The following SLC47A2 variants were observed in gnomAD, a reference collection of about 807,000 sequenced individuals.
SLC47A2 encodes the protein multidrug and toxin extrusion protein 2.
In SLC47A2, 52 loss-of-function variants were observed where a neutral mutation model predicts 67.7. That is an observed-to-expected ratio of 0.77 (90% CI 0.61 to 0.97). The LOEUF (loss-of-function observed/expected upper bound fraction) is 0.97, where lower values mean the gene tolerates loss of function less well. SLC47A2 is among the 50% of genes least tolerant of loss of function. SLC47A2 has a pLI of 0.00. For missense variants in SLC47A2, 676 were observed against 712.3 expected (o/e 0.95, Z 0.58); for synonymous variants, 278 against 292.9 (o/e 0.95, Z 0.52).
rs1330409973 is a variant in SLC47A2, at chr17:19,712,748, G to T, written c.444-3C>A. ...TCATTACATAGTCCTGGGTCAACCT[G>T]CAAGAGAGGGAGAAGCTCCGGAGCT... On this transcript the variant is annotated splice_region_variant and splice_polypyrimidine_tract_variant and intron_variant, in intron 4 of 16. Transcript: ENST00000433844. 1 of 1,612,486 alleles carries T rather than the reference G, an allele frequency of 6.2e-7. No homozygotes were observed.
chr17:19,706,844 AC>A (rs1221355650), intron 8 of SLC47A2, 83 bp from the exon 9 acceptor site: 3 of 1,062,930 alleles, frequency 2.8e-6, no homozygotes, highest in Non-Finnish European at 4.1e-6. Flanking sequence ...AGGCCCCTAA[AC>A]CCCTTTGGCT....
In SLC47A2 at chr17:19,715,159, T is replaced by G. The variant is rs756940815; in HGVS notation, c.182A>C (p.His61Pro). The change falls in exon 2 of 17, where the codon CAC becomes CCC. Residue 61 changes from histidine (H) to proline (P), a missense_variant. Coordinates refer to ENST00000433844, the MANE Select transcript of SLC47A2 (RefSeq NM_001099646.3). ...CGATGCCAGCTCCACCTTGCCCAGG[T>G]GCCCGCAGAACACAGTGCTCACGAT... ...IYIVSTVFCG[H>P]LGKVELASVT... 2.5e-6 allele frequency: 4 copies of G among 1,612,426 alleles called. No individual in the cohort carries two copies. The South Asian group carries it at 4.4e-5, about 18-fold the overall frequency.
Position 19,681,570 on chromosome 17 carries a change from A to C in SLC47A2, c.1265T>G (p.Leu422Arg). 6.2e-7 allele frequency: 1 copy of C among 1,614,210 alleles called. No individual in the cohort carries two copies. The highest frequency in any genetic ancestry group is 8.5e-7 in the Non-Finnish European group (1 of 1,180,030). ...YYIIGLPLGI[L>R]LTFVVRMRIM... is the part of the protein sequence containing the mutation. Reference sequence around the variant, plus strand: ...TCTCATTCTGACCACAAAGGTCAGAAGGATGCCCAGTGGTAGGCCGATGAT... The same window carrying C: ...TCTCATTCTGACCACAAAGGTCAGACGGATGCCCAGTGGTAGGCCGATGAT... Residue 422 changes from leucine (L) to arginine (R), a missense_variant, in exon 14 of 17, where the codon CTT (leucine) becomes CGT (arginine). Transcript: ENST00000433844.
intron 1 of SLC47A2, 29 bp from the exon 2 acceptor site, chr17:19,715,246 G>A: frequency 1.9e-6 from 3 of 1,593,352 alleles, no homozygotes; most frequent in Non-Finnish European, 2.6e-6. Context: ...GTCAGACTCG[G>A]GGCCACAGGT....
intron 4 of SLC47A2, 145 bp downstream of exon 4, chr17:19,713,680 C>G: frequency 4.3e-6 from 5 of 1,157,792 alleles, no homozygotes; most frequent in Non-Finnish European, 5.8e-6. Flanking sequence ...AAACCAAAGC[C>G]TGGAAGGTAC....
chr17:19,707,755 T>C lies in SLC47A2; in HGVS notation c.718A>G (p.Thr240Ala). 1 of 1,590,762 alleles carries C rather than the reference T, an allele frequency of 6.3e-7. No homozygotes were observed. The highest frequency in any genetic ancestry group is 8.6e-7 in the Non-Finnish European group (1 of 1,169,232). ...YIVLKKLHLE[T>A]WAGWSSQCLQ... Reference sequence around the variant, plus strand: ...AGGCCAGGCCTCCCACCTGCCCACGTCTCCAGGTGCAGCTTCTTCAGCACA... The same window carrying C: ...AGGCCAGGCCTCCCACCTGCCCACGCCTCCAGGTGCAGCTTCTTCAGCACA... Residue 240 changes from threonine to alanine, a missense_variant, in exon 8 of 17, where the codon ACG becomes GCG. Thr to Ala is a moderately conservative substitution (Grantham distance 58). Coordinates refer to ENST00000433844, the MANE Select transcript of SLC47A2 (RefSeq NM_001099646.3).
At chr17:19,707,090 C>G (rs112282281) in intron 8 of SLC47A2, among the ~76,000 whole-genome samples, 2,207 of 152,250 alleles carry the variant, frequency 0.014, 53 homozygotes, top group African/African-American at 0.05. Flanking sequence ...GGCCTTATAG[C>G]TGCCCTGCCT....
chr17:19,686,622 A>C (rs1027494446), intron 13 of SLC47A2, among the ~76,000 whole-genome samples: 2 of 152,210 alleles, frequency 1.3e-5, no homozygotes, highest in South Asian at 2.1e-4. Context: ...ATTGCATGCA[A>C]ATTGAAACCA....
In SLC47A2 at chr17:19,678,587, A is replaced by G; in HGVS notation, c.*99T>C. 2 of 1,265,890 alleles carry G rather than the reference A, an allele frequency of 1.6e-6. No homozygotes were observed. Among genetic ancestry groups the G allele is most frequent in the Non-Finnish European group, 2.3e-6 (2 of 882,326 alleles). 78.4% of individuals were successfully genotyped at this position (1,265,890 alleles called of 1,614,324 possible). On this transcript the variant is annotated 3_prime_UTR_variant, in exon 17 of 17. Transcript: ENST00000433844. ...TTTTGAGGAGTGGTTCAAAGTGTCC[A>G]CCTGCACTAGACCCCATTGGTGTTT...
Position 19,684,033 on chromosome 17 carries a change from G to A in SLC47A2, c.1165-2363C>T, listed in dbSNP as rs560788147. ...GGGTCTCACATGCAGCATTCTCCAG[G>A]ATAGACCTGCGGTAGGCCACAAAAC... On this transcript the variant is annotated intron_variant, in intron 13 of 16. Coordinates refer to ENST00000433844, the MANE Select transcript of SLC47A2 (RefSeq NM_001099646.3). 1.3e-3 allele frequency among the ~76,000 whole-genome samples: 194 copies of A among 152,254 alleles called. 1 individual carries two copies. The highest frequency in any genetic ancestry group is 4.4e-3 in the African/African-American group (182 of 41,546).
chr17:19,711,464 T>A (rs2086092499), intron 5 of SLC47A2, among the ~76,000 whole-genome samples: 1 of 151,158 alleles, frequency 6.6e-6, no homozygotes, highest in Non-Finnish European at 1.5e-5. Flanking sequence ...TGATGGTGGG[T>A]GCCTGTAATC....
chr17:19,711,833 A>AT (rs774925283), intron 5 of SLC47A2, among the ~76,000 whole-genome samples: 9 of 151,238 alleles, frequency 6.0e-5, no homozygotes, highest in East Asian at 1.9e-4. Context: ...ATTCACAAAG[A>AT]TTTTTTTTTA....
At chr17:19,707,208 A>G (rs953658193) in intron 8 of SLC47A2, among the ~76,000 whole-genome samples, 1 of 151,710 alleles carries the variant, frequency 6.6e-6, no homozygotes, top group East Asian at 1.9e-4. Context: ...CCTGCCCCAC[A>G]TGAGGCCCCA....
intron 5 of SLC47A2, among the ~76,000 whole-genome samples, chr17:19,709,176 G>A (rs11649705): frequency 0.081 from 12,311 of 152,298 alleles, 654 homozygotes; most frequent in Non-Finnish European, 0.12. Context: ...GGATTTGAAG[G>A]TGTGACTTCG....
chr17:19,705,450 T>A lies in SLC47A2; in HGVS notation c.895A>T (p.Thr299Ser). The A allele has an allele frequency of 1.2e-6, 2 of 1,612,458 alleles. No homozygotes were observed. Among genetic ancestry groups the A allele is most frequent in the Non-Finnish European group, 1.7e-6 (2 of 1,179,516 alleles). ...AGGAGCCTTACCATGTAGGTCACAG[T>A]GGCCACCTCGTAGATGACAGCCTGG... The part of the protein sequence containing the change: ...SAQAVIYEVA[T>S]VTYMIPLGLS... The change falls in exon 10 of 17, where the codon ACT (threonine) becomes TCT (serine). Residue 299 changes from threonine to serine, a missense_variant. Thr to Ser is a moderately conservative substitution (Grantham distance 58). Transcript: ENST00000433844.
chr17:19,704,601 T>C lies in SLC47A2; in HGVS notation c.910-423A>G, dbSNP rs899295624. ...TAAATTGATTTTGTAATGTAGATTT[T>C]TGTGACTCCTTTGCTTAAAGCTGGG... On this transcript the variant is annotated intron_variant, in intron 10 of 16. Coordinates refer to ENST00000433844, the MANE Select transcript of SLC47A2 (RefSeq NM_001099646.3). The C allele has an allele frequency of 4.1e-6, 6 of 1,456,936 alleles. No homozygotes were observed. In the African/African-American group the frequency reaches 4.3e-5, roughly 10 times the overall value. 90.3% of individuals were successfully genotyped at this position (1,456,936 alleles called of 1,614,324 possible).
rs539322390 is a variant in SLC47A2, at chr17:19,705,238, C to T, written c.909+198G>A. 124 of 499,592 alleles carry T rather than the reference C, an allele frequency of 2.5e-4. 1 individual carries two copies. Among genetic ancestry groups the T allele is most frequent in the Non-Finnish European group, 3.3e-4 (96 of 287,860 alleles). The allele number at this position is 499,592 out of a possible 1,614,324, so 30.9% of individuals were successfully genotyped here. ...CAACATCTGTGAGTGAAATATCACCCTTGGTCGTCAGGTTGTGGGCACCTG... is the reference window on the plus strand; with the variant it reads ...CAACATCTGTGAGTGAAATATCACCTTTGGTCGTCAGGTTGTGGGCACCTG... On this transcript the variant is annotated intron_variant, in intron 10 of 16. Coordinates refer to ENST00000433844, the MANE Select transcript of SLC47A2 (RefSeq NM_001099646.3).
chr17:19,697,968 C>T (rs908398386), intron 13 of SLC47A2, among the ~76,000 whole-genome samples: 1 of 151,978 alleles, frequency 6.6e-6, no homozygotes, highest in African/African-American at 2.4e-5. Context: ...GAATGATAAA[C>T]ACACAAAAAG....
At chr17:19,702,108 C>CAA (rs758350914) in intron 13 of SLC47A2, 264 of 835,078 alleles carry the variant, frequency 3.2e-4, no homozygotes, top group Middle Eastern at 6.1e-4. Context: ...GACCCTGTCT[C>CAA]AAAAAAAAAA....
Sources: gnomAD v4.1 joint callset for allele counts (sites outside exome capture counted in the v4.1 genomes callset) on GRCh38, gnomAD v4.1.1 for gene constraint, MANE v1.5 for transcripts, NCBI Gene and HGNC (gene_info 2026-07-23, HGNC 2026-07-21) for gene names.